CORO1B: variants seen among roughly 807,000 people sequenced by gnomAD.
The protein encoded by CORO1B is coronin 1B.
Under a neutral mutation model 51.1 loss-of-function variants are expected in CORO1B, and 30 were observed. The ratio of observed to expected loss-of-function variants is 0.59; its 90% CI spans 0.44 to 0.80. The LOEUF (loss-of-function observed/expected upper bound fraction) is 0.80. CORO1B is among the 30% of genes least tolerant of loss of function. The pLI is 0.00. For missense variants in CORO1B, 648 were observed against 700.4 expected (o/e 0.93, Z 0.84); for synonymous variants, 310 against 289.7 (o/e 1.07, Z -0.71).
Position 67,436,074 on chromosome 11 carries a change from G to C in CORO1B, c.*2302C>G, listed in dbSNP as rs1406853865. The C allele has an allele frequency of 4.3e-6, 7 of 1,612,396 alleles. No individual in the cohort carries two copies. Among genetic ancestry groups the C allele is most frequent in the Middle Eastern group, 1.7e-4 (1 of 6,060 alleles). On this transcript the variant is annotated 3_prime_UTR_variant, in exon 11 of 11. Transcript: ENST00000341356. ...TTGTCTGTGGACCCCAGCTCAGCTC[G>C]GGCCTGCAGCCAGCGACCTGGGGGG...
rs1395528706 is a variant in CORO1B, at chr11:67,440,381, A to G, written c.815T>C (p.Leu272Pro). ...ACTGGTGTCGGGGTCGTAGAAGGGC[A>G]GCAGGGCCCCGTTGCTCGAGTCCAG... Reference protein sequence around the residue: ...QELDSSNGALLPFYDPDTSVV... With the variant: ...QELDSSNGALPPFYDPDTSVV... Residue 272 changes from leucine to proline, a missense_variant, in exon 7 of 11, where the codon CTG becomes CCG. By Grantham distance (98) the Leu-to-Pro change is moderately conservative. Transcript: ENST00000341356. 1.1e-5 allele frequency: 17 copies of G among 1,613,744 alleles called. No homozygotes were observed. The Admixed American group carries it at 1.8e-4, about 17-fold the overall frequency.
At chr11:67,442,976 G>T (rs1022029150) in intron 1 of CORO1B, among the ~76,000 whole-genome samples, 11 of 152,188 alleles carry the variant, frequency 7.2e-5, no homozygotes, top group Non-Finnish European at 1.6e-4. Flanking sequence ...GTCCCAGCCA[G>T]TCGGGAGCAG....
rs370854668 is a variant in CORO1B at position 67,436,291 on chromosome 11, C to T, written c.*2085G>A. The stretch of plus-strand genomic sequence containing the variant: ...CCACGCTGTCCTCCGCGCTGCCACC[C>T]GAGCCCAAGGCCCCTGGCAGGGCCA... On this transcript the variant is annotated 3_prime_UTR_variant, in exon 11 of 11. Transcript: ENST00000341356. The T allele has an allele frequency of 6.5e-4, 1,003 of 1,532,758 alleles. 2 individuals are homozygous for T. Among genetic ancestry groups the T allele is most frequent in the Middle Eastern group, 5.4e-3 (31 of 5,776 alleles). The allele number at this position is 1,532,758 out of a possible 1,614,324, so 94.9% of individuals were successfully genotyped here. A position where few individuals can be genotyped will look rare whatever the true frequency, so the allele number is the denominator to read the frequency against.
At chr11:67,442,740 A>G in intron 1 of CORO1B, 110 bp from the exon 2 acceptor site, 1 of 1,094,160 alleles carries the variant, frequency 9.1e-7, no homozygotes, top group Non-Finnish European at 1.3e-6. Context: ...GGCCACCGTA[A>G]CCCTCCTGGG....
chr11:67,439,779 G>A lies in CORO1B; in HGVS notation c.1065+7C>T. 1 of 1,584,002 alleles carries A rather than the reference G, an allele frequency of 6.3e-7. No individual in the cohort carries two copies. Among genetic ancestry groups the A allele is most frequent in the Non-Finnish European group, 8.6e-7 (1 of 1,165,424 alleles). Reference sequence around the variant, plus strand: ...GGCCAAGTGAGCCGAGGGACGGGCGGCCTCACCTTTCTTGGCACAGTCATG... The same window carrying A: ...GGCCAAGTGAGCCGAGGGACGGGCGACCTCACCTTTCTTGGCACAGTCATG... On this transcript the variant is annotated splice_region_variant and intron_variant, in intron 9 of 10. Transcript: ENST00000341356.
At position 67,440,250 on chromosome 11, in the gene CORO1B, A is replaced by C; in HGVS notation, c.875T>G (p.Ile292Ser). ...CTCCTCTGTGATCTCAAAGTACCGGATGCTGGAGTCACCCTGTGTGGGGAG... is the reference window on the plus strand; with the variant it reads ...CTCCTCTGTGATCTCAAAGTACCGGCTGCTGGAGTCACCCTGTGTGGGGAG... Reference protein sequence around the residue: ...VYVCGKGDSSIRYFEITEEPP... With the variant: ...VYVCGKGDSSSRYFEITEEPP... Residue 292 changes from isoleucine to serine, a missense_variant, in exon 8 of 11, where the codon ATC becomes AGC. Ile to Ser is a moderately radical substitution (Grantham distance 142). Coordinates refer to ENST00000341356, the MANE Select transcript of CORO1B (RefSeq NM_020441.3). 6.2e-7 allele frequency: 1 copy of C among 1,613,750 alleles called. No individual in the cohort carries two copies. Among genetic ancestry groups the C allele is most frequent in the Non-Finnish European group, 8.5e-7 (1 of 1,179,912 alleles).
chr11:67,440,067 CCT>C (rs752116372), intron 8 of CORO1B, 49 bp downstream of exon 8: 3 of 1,564,290 alleles, frequency 1.9e-6, no homozygotes, highest in Non-Finnish European at 2.6e-6. Flanking sequence ...AATGACCTGA[CCT>C]CTCACCTTAG....
chr11:67,438,427 GCGGT>G lies in CORO1B; in HGVS notation c.1415_1418del (p.Asp472AlafsTer161), dbSNP rs1378117797. 3 of 1,610,460 alleles carry G rather than the reference GCGGT, an allele frequency of 1.9e-6. 1 individual carries two copies. The South Asian group carries it at 3.3e-5, about 18-fold the overall frequency. ...CCAGCTGCTCCTCCAGGCGGCAGAT[GCGGT>G]CGCCCTGCTCCTTGACCAGCGCCCT... On this transcript the variant is annotated frameshift_variant, in exon 11 of 11. Transcript: ENST00000341356. LOFTEE classifies it high-confidence loss of function.
chr11:67,440,058 A>G (rs1453689017), intron 8 of CORO1B, 60 bp downstream of exon 8: 2 of 1,553,820 alleles, frequency 1.3e-6, no homozygotes, highest in African/African-American at 2.7e-5. Flanking sequence ...GCAGCCTCCA[A>G]TGACCTGACC....
intron 6 of CORO1B, chr11:67,440,716 C>T (rs1864377443): frequency 1.5e-6 from 1 of 657,820 alleles, no homozygotes; most frequent in Non-Finnish European, 2.8e-6. Context: ...CTGTGGGGAG[C>T]TGGGGTGCCA....
chr11:67,441,636 C>G (rs549717520), intron 4 of CORO1B, 97 bp downstream of exon 4: 1 of 1,543,082 alleles, frequency 6.5e-7, no homozygotes, highest in African/African-American at 1.4e-5. Flanking sequence ...CTGAGGGCCT[C>G]AGCTTTCCCA....
chr11:67,441,861 A>G lies in CORO1B; in HGVS notation c.326T>C (p.Val109Ala). Residue 109 changes from valine to alanine, a missense_variant and splice_region_variant, in exon 4 of 11, where the codon GTG becomes GCG. Physicochemically the swap from Val to Ala is moderately conservative, Grantham distance 64. Transcript: ENST00000341356. The stretch of plus-strand genomic sequence containing the variant: ...CAGCCCGTTCTCTGGGATCTGCCAC[A>G]CCTGTGGTAGGGACAGGGCCACCGA... ...ASGSEDCTVMVWQIPENGLTS... is the reference protein window; with the variant it reads ...ASGSEDCTVMAWQIPENGLTS... The G allele has an allele frequency of 6.2e-7, 1 of 1,612,930 alleles. No individual in the cohort carries two copies. Among genetic ancestry groups the G allele is most frequent in the Non-Finnish European group, 8.5e-7 (1 of 1,179,928 alleles).
At position 67,437,597 on chromosome 11, in the gene CORO1B, C is replaced by A. The variant is rs370351242; in HGVS notation, c.*779G>T. The stretch of plus-strand genomic sequence containing the variant: ...GCCTGTGGCCCCCATCCCAAGAACC[C>A]GGGGGGCTCCGAGGCTTACCATTGG... On this transcript the variant is annotated 3_prime_UTR_variant, in exon 11 of 11. Transcript: ENST00000341356. 1 of 1,351,446 alleles carries A rather than the reference C, an allele frequency of 7.4e-7. No homozygotes were observed. The highest frequency in any genetic ancestry group is 2.8e-5 in the East Asian group (1 of 36,072). The allele number at this position is 1,351,446 out of a possible 1,614,324, so 83.7% of individuals were successfully genotyped here.
Position 67,441,854 on chromosome 11 carries a change from C to G in CORO1B, c.333G>C (p.Gln111His), listed in dbSNP as rs148916908. Reference sequence around the variant, plus strand: ...GGGAGGTCAGCCCGTTCTCTGGGATCTGCCACACCTGTGGTAGGGACAGGG... The same window carrying G: ...GGGAGGTCAGCCCGTTCTCTGGGATGTGCCACACCTGTGGTAGGGACAGGG... ...GSEDCTVMVW[Q>H]IPENGLTSPL... The change falls in exon 4 of 11, where the codon CAG (glutamine) becomes CAC (histidine). Residue 111 changes from glutamine to histidine, a missense_variant. Physicochemically the swap from Gln to His is conservative, Grantham distance 24. Transcript: ENST00000341356. The G allele has an allele frequency of 6.2e-7, 1 of 1,613,134 alleles. No homozygotes were observed. The highest frequency in any genetic ancestry group is 8.5e-7 in the Non-Finnish European group (1 of 1,180,000).
Position 67,438,694 on chromosome 11 carries a change from T to G in CORO1B, c.1321A>C (p.Ser441Arg). ...STTTAADATPSGSLARAGEAG... is the reference protein window; with the variant it reads ...STTTAADATPRGSLARAGEAG... ...ACCCCGGCTCTGGCCAGGCTGCCGC[T>G]GGGGGTGGCATCAGCAGCAGTGGTG... The change falls in exon 10 of 11, where the codon AGC becomes CGC. Residue 441 changes from serine to arginine, a missense_variant. Physicochemically the swap from Ser to Arg is moderately radical, Grantham distance 110. Coordinates refer to ENST00000341356, the MANE Select transcript of CORO1B (RefSeq NM_020441.3). 6.5e-7 allele frequency: 1 copy of G among 1,546,008 alleles called. No homozygotes were observed. Among genetic ancestry groups the G allele is most frequent in the East Asian group, 2.4e-5 (1 of 41,562 alleles).
upstream of CORO1B, chr11:67,443,726 G>A: frequency 1.0e-6 from 1 of 985,074 alleles, no homozygotes; most frequent in Non-Finnish European, 1.2e-6. Flanking sequence ...CGCCGCAGAG[G>A]CGCCGCAGGT....
rs571157789 is a variant in CORO1B, at chr11:67,435,515, G to A, written c.*2861C>T. On this transcript the variant is annotated 3_prime_UTR_variant, in exon 11 of 11. Coordinates refer to ENST00000341356, the MANE Select transcript of CORO1B (RefSeq NM_020441.3). ...TCTCTGTAGGACCACAGGGCCACAG[G>A]CTGAAGGAGTTTTATTTCAAATGGT... 1.4e-6 allele frequency: 1 copy of A among 710,200 alleles called. No individual in the cohort carries two copies. Among genetic ancestry groups the A allele is most frequent in the Non-Finnish European group, 2.2e-6 (1 of 451,406 alleles). 44.0% of individuals were successfully genotyped at this position (710,200 alleles called of 1,614,324 possible).
In CORO1B at chr11:67,435,925, G is replaced by C; in HGVS notation, c.*2451C>G. 1.2e-6 allele frequency: 2 copies of C among 1,613,146 alleles called. No individual in the cohort carries two copies. The highest frequency in any genetic ancestry group is 1.1e-5 in the South Asian group (1 of 91,046). On this transcript the variant is annotated 3_prime_UTR_variant, in exon 11 of 11. Transcript: ENST00000341356. ...CTCTGGCTTCCTCAGCCCGCACGGG[G>C]ACCTGCTCTGGGCTGGACGCCTCTC...
intron 9 of CORO1B, 94 bp from the exon 10 acceptor site, chr11:67,439,043 C>T: frequency 6.6e-6 from 9 of 1,360,566 alleles, no homozygotes; most frequent in Non-Finnish European, 8.8e-6. Flanking sequence ...ACTCTGTTAA[C>T]CCATTCTCCC....
Sources: gnomAD v4.1 joint callset for allele counts (sites outside exome capture counted in the v4.1 genomes callset) on GRCh38, gnomAD v4.1.1 for gene constraint, MANE v1.5 for transcripts, NCBI Gene and HGNC (gene_info 2026-07-23, HGNC 2026-07-21) for gene names.